The following FAM168A variants were observed in gnomAD, a reference collection of about 807,000 sequenced individuals.
FAM168A encodes family with sequence similarity 168 member A, also known as protein FAM168A.
FAM168A carries 3 observed loss-of-function variants against 28.5 expected under a neutral mutation model. The observed-to-expected ratio is 0.11, with a 90% CI of 0.05 to 0.27. The LOEUF is 0.27. FAM168A is among the 10% of genes least tolerant of loss of function. The pLI is 1.00. For missense variants in FAM168A, 222 were observed against 311.5 expected (o/e 0.71, Z 2.16); for synonymous variants, 122 against 124.2 (o/e 0.98, Z 0.12).
chr11:73,572,071 G>C (rs1388152120), intron 1 of FAM168A, among the ~76,000 whole-genome samples: 1 of 151,212 alleles, frequency 6.6e-6, no homozygotes, highest in Non-Finnish European at 1.5e-5. Flanking sequence ...ACCCCGTCTG[G>C]GAAGTGAGGA....
chr11:73,480,667 G>A (rs1343052751), intron 1 of FAM168A, among the ~76,000 whole-genome samples: 3 of 152,050 alleles, frequency 2.0e-5, no homozygotes, highest in Non-Finnish European at 2.9e-5. Flanking sequence ...AGCTTATGAA[G>A]AGAGTGCAAG....
At chr11:73,478,017 T>C (rs879258310) in intron 1 of FAM168A, among the ~76,000 whole-genome samples, 1 of 152,106 alleles carries the variant, frequency 6.6e-6, no homozygotes, top group Admixed American at 6.5e-5. Context: ...TAAAAGACAA[T>C]TGCATAAAAC....
chr11:73,558,843 T>C (rs1402363431), intron 1 of FAM168A, among the ~76,000 whole-genome samples: 2 of 152,196 alleles, frequency 1.3e-5, no homozygotes, highest in Admixed American at 6.5e-5. Context: ...TCAAACATTG[T>C]TGGTGGGAAT....
At position 73,400,682 on chromosome 11, in the gene FAM168A, C is replaced by G. The variant is rs928256508; in HGVS notation, c.*6081G>C. 8.5e-5 allele frequency: 13 copies of G among 152,188 alleles called. No individual in the cohort carries two copies. Among genetic ancestry groups the G allele is most frequent in the African/African-American group, 2.9e-4 (12 of 41,426 alleles). 9.4% of individuals were successfully genotyped at this position (152,188 alleles called of 1,614,324 possible). On this transcript the variant is annotated 3_prime_UTR_variant, in exon 8 of 8. Transcript: ENST00000356467. ...ATGTACCATAGGTTTTTCTTGACTA[C>G]TGAGAACAAATTTAGCATCAACTTG...
At chr11:73,487,712 T>A (rs1016530255) in intron 1 of FAM168A, among the ~76,000 whole-genome samples, 1 of 152,188 alleles carries the variant, frequency 6.6e-6, no homozygotes, top group Non-Finnish European at 1.5e-5. Context: ...TTATTACTAA[T>A]AACTGAAACC....
intron 1 of FAM168A, among the ~76,000 whole-genome samples, chr11:73,541,067 T>C (rs961743048): frequency 1.3e-5 from 2 of 151,900 alleles, no homozygotes; most frequent in Non-Finnish European, 2.9e-5. Flanking sequence ...TAGCTGGGTG[T>C]AGTGGTGCGT....
At position 73,555,026 on chromosome 11, in the gene FAM168A, C is replaced by G. The variant is rs59271755; in HGVS notation, c.-19+42897G>C. ...CAAAGTCAAGAGAAGGTCAAGGTAG[C>G]CTTTGTTGAAGATGACTAATTTAAA... On this transcript the variant is annotated intron_variant, in intron 1 of 7. Coordinates refer to ENST00000356467, the MANE Select transcript of FAM168A (RefSeq NM_015159.3). 9.9e-3 allele frequency among the ~76,000 whole-genome samples: 1,506 copies of G among 152,236 alleles called. 29 individuals are homozygous for G. The highest frequency in any genetic ancestry group is 0.034 in the African/African-American group (1,403 of 41,532).
rs1383077578 is a variant in FAM168A, at chr11:73,484,566, ATATCTATATATCGATATC to A, written c.-18-16092_-18-16075del. 1.3e-4 allele frequency among the ~76,000 whole-genome samples: 19 copies of A among 146,114 alleles called. 1 individual carries two copies. In the East Asian group the frequency reaches 2.9e-3, roughly 23 times the overall value. ...TATCTATCTATATCTATATATCTAT[ATATCTATATATCGATATC>A]TATCTATATATCGATATCTATATCG... On this transcript the variant is annotated intron_variant, in intron 1 of 7. Coordinates refer to ENST00000356467, the MANE Select transcript of FAM168A (RefSeq NM_015159.3).
chr11:73,446,561 C>T (rs1432919747), intron 2 of FAM168A, among the ~76,000 whole-genome samples: 1 of 152,230 alleles, frequency 6.6e-6, no homozygotes, highest in East Asian at 1.9e-4. Context: ...AGGTCATGCC[C>T]ATGCAACCTG....
At chr11:73,596,425 A>G (rs992314587) in intron 1 of FAM168A, among the ~76,000 whole-genome samples, 5 of 152,044 alleles carry the variant, frequency 3.3e-5, no homozygotes, top group Admixed American at 6.6e-5. Context: ...ATAACAGAAG[A>G]CACCCTCCCC....
intron 1 of FAM168A, among the ~76,000 whole-genome samples, chr11:73,497,369 G>T (rs529619131): frequency 7.9e-4 from 120 of 152,080 alleles, no homozygotes; most frequent in African/African-American, 2.6e-3. Flanking sequence ...GGAGGCTGAG[G>T]CAGGAGAATC....
intron 1 of FAM168A, among the ~76,000 whole-genome samples, chr11:73,557,078 G>C (rs1370286572): frequency 1.3e-5 from 2 of 151,530 alleles, no homozygotes; most frequent in Non-Finnish European, 2.9e-5. Context: ...ACCGCCAAAA[G>C]GTGGAAGCAA....
intron 2 of FAM168A, among the ~76,000 whole-genome samples, chr11:73,432,434 CT>C (rs1867011425): frequency 6.6e-6 from 1 of 151,362 alleles, no homozygotes. Flanking sequence ...CTCAACAACC[CT>C]TGTTTTATTA....
intron 1 of FAM168A, among the ~76,000 whole-genome samples, chr11:73,597,327 C>A (rs1295114224): frequency 6.6e-6 from 1 of 152,030 alleles, no homozygotes; most frequent in African/African-American, 2.4e-5. Flanking sequence ...GACAAACACC[C>A]ACTTCAAGCT....
chr11:73,505,895 G>A (rs989156501), intron 1 of FAM168A, among the ~76,000 whole-genome samples: 2 of 152,096 alleles, frequency 1.3e-5, no homozygotes, highest in African/African-American at 2.4e-5. Flanking sequence ...TTCTTTTCTG[G>A]ACCAAATCAA....
chr11:73,441,884 T>C (rs560419769), intron 2 of FAM168A, among the ~76,000 whole-genome samples: 5 of 152,330 alleles, frequency 3.3e-5, no homozygotes, highest in African/African-American at 9.6e-5. Flanking sequence ...ATTTTAGTAA[T>C]TGGAGACTTC....
intron 1 of FAM168A, among the ~76,000 whole-genome samples, chr11:73,509,017 G>A (rs1255010381): frequency 4.6e-5 from 7 of 152,168 alleles, no homozygotes; most frequent in South Asian, 2.1e-4. Flanking sequence ...TTTGCCTTCC[G>A]CCATGACTGT....
chr11:73,587,152 T>TA (rs1158411875), intron 1 of FAM168A, among the ~76,000 whole-genome samples: 4,014 of 81,284 alleles, frequency 0.049, 381 homozygotes, highest in African/African-American at 0.13. Context: ...ATGGACATGT[T>TA]AAAAAAAAAA....
intron 1 of FAM168A, among the ~76,000 whole-genome samples, chr11:73,513,271 G>A (rs1855264803): frequency 2.1e-5 from 3 of 143,794 alleles, no homozygotes; most frequent in Admixed American, 7.2e-5. Context: ...GTGCAGTGGC[G>A]CGATCTCAGC....
Sources: allele counts gnomAD v4.1 joint callset (sites outside exome capture counted in the v4.1 genomes callset), GRCh38; gene constraint gnomAD v4.1.1; transcripts MANE v1.5; gene names NCBI Gene and HGNC (gene_info 2026-07-23, HGNC 2026-07-21).